Variants in PLCL1 observed in about 807,000 individuals in gnomAD.
PLCL1 encodes the protein inactive phospholipase C-like protein 1.
In PLCL1, 41 loss-of-function variants were observed where a neutral mutation model predicts 84.4. That is an observed-to-expected ratio of 0.49 (90% confidence interval 0.38 to 0.63). The LOEUF (loss-of-function observed/expected upper bound fraction) is 0.63, where lower values mean the gene tolerates loss of function less well. Ranked by LOEUF, PLCL1 falls within the 30% of genes least tolerant of loss-of-function variation. The pLI, the probability that PLCL1 is intolerant of heterozygous loss-of-function variation, is 0.00. For synonymous variants in PLCL1, 490 were observed against 488.3 expected (o/e 1.00, Z -0.05); for missense variants, 1,206 against 1,367.8 (o/e 0.88, Z 1.87).
intron 1 of PLCL1, among the ~76,000 whole-genome samples, chr2:197,956,824 T>G (rs764311541): frequency 6.6e-6 from 1 of 152,108 alleles, no homozygotes; most frequent in Non-Finnish European, 1.5e-5. Flanking sequence ...ATATTAGACC[T>G]TTGTCAGATG....
At chr2:198,112,244 C>A (rs765300352) in intron 5 of PLCL1, among the ~76,000 whole-genome samples, 1 of 151,804 alleles carries the variant, frequency 6.6e-6, no homozygotes, top group Non-Finnish European at 1.5e-5. Flanking sequence ...GGCCTGATCA[C>A]CCCTGAGCGA....
At chr2:198,021,841 T>C (rs915842239) in intron 1 of PLCL1, among the ~76,000 whole-genome samples, 2 of 152,150 alleles carry the variant, frequency 1.3e-5, no homozygotes, top group African/African-American at 4.8e-5. Flanking sequence ...TGTCATTCCT[T>C]CTGAAACTAT....
intron 1 of PLCL1, among the ~76,000 whole-genome samples, chr2:197,970,297 T>G (rs1689835495): frequency 6.6e-6 from 1 of 152,134 alleles, no homozygotes; most frequent in South Asian, 2.1e-4. Flanking sequence ...AACCTAGTCT[T>G]GCAATAACAA....
At chr2:197,921,816 T>G (rs990661206) in intron 1 of PLCL1, among the ~76,000 whole-genome samples, 1 of 152,206 alleles carries the variant, frequency 6.6e-6, no homozygotes, top group African/African-American at 2.4e-5. Flanking sequence ...TCATCAGAAT[T>G]TTTACAACTC....
chr2:197,911,076 C>T (rs1688475995), intron 1 of PLCL1, among the ~76,000 whole-genome samples: 1 of 152,166 alleles, frequency 6.6e-6, no homozygotes, highest in Admixed American at 6.5e-5. Flanking sequence ...CTGATTCAGT[C>T]ATCTTTTAAT....
At chr2:197,999,873 A>G (rs73058821) in intron 1 of PLCL1, among the ~76,000 whole-genome samples, 28,022 of 152,120 alleles carry the variant, frequency 0.18, 2,639 homozygotes, top group East Asian at 0.26. Flanking sequence ...TATCCACAGA[A>G]TGTGTGAGTT....
chr2:197,805,366 G>A lies in PLCL1; in HGVS notation c.240+27G>A. ...TAAGCAAAGCCGCGCCGCACCGGGA[G>A]CGTGGCTGTGGGTGATGGGTGGGTC... On this transcript the variant is annotated intron_variant, in intron 1 of 5. Transcript: ENST00000428675. This position sits in a 1 kb window ranked among gnomAD's most constrained non-coding sequence, Gnocchi z 4.0. The A allele has an allele frequency of 2.2e-6, 3 of 1,337,290 alleles. No individual in the cohort carries two copies. The highest frequency in any genetic ancestry group is 2.1e-4 in the Middle Eastern group (1 of 4,848). 82.8% of individuals were successfully genotyped at this position (1,337,290 alleles called of 1,614,324 possible). A position where few individuals can be genotyped will look rare whatever the true frequency, so the allele number is the denominator to read the frequency against.
rs541388896 is a variant in PLCL1 at position 197,861,234 on chromosome 2, T to C, written c.240+55895T>C. 5.9e-5 allele frequency among the ~76,000 whole-genome samples: 9 copies of C among 152,288 alleles called. No homozygotes were observed. In the East Asian group the frequency reaches 1.5e-3, roughly 26 times the overall value. Reference sequence around the variant, plus strand: ...AAGGAGAGAGGGGATAAAGTTTAAGTTGATCACCAATAGACAATATTTTAA... The same window carrying C: ...AAGGAGAGAGGGGATAAAGTTTAAGCTGATCACCAATAGACAATATTTTAA... On this transcript the variant is annotated intron_variant, in intron 1 of 5. Coordinates refer to ENST00000428675, the MANE Select transcript of PLCL1 (RefSeq NM_006226.4).
At chr2:198,013,081 A>G (rs375391818) in intron 1 of PLCL1, among the ~76,000 whole-genome samples, 1 of 152,092 alleles carries the variant, frequency 6.6e-6, no homozygotes, top group Admixed American at 6.6e-5. Context: ...TATTAAATAG[A>G]TTTTAAAAAT....
At chr2:197,947,463 C>G (rs1052584085) in intron 1 of PLCL1, among the ~76,000 whole-genome samples, 1 of 151,920 alleles carries the variant, frequency 6.6e-6, no homozygotes, top group Non-Finnish European at 1.5e-5. Context: ...ACCACTGGAG[C>G]TGGGCAGAGG....
intron 1 of PLCL1, among the ~76,000 whole-genome samples, chr2:197,923,562 C>A (rs1202364705): frequency 1.4e-5 from 2 of 147,088 alleles, no homozygotes; most frequent in African/African-American, 2.5e-5. Context: ...AGACGATGGG[C>A]GGCCGGGCAG....
chr2:198,084,953 C>A lies in PLCL1; in HGVS notation c.1436C>A (p.Ala479Asp). Residue 479 changes from alanine (A) to aspartate (D), a missense_variant, in exon 2 of 6, where the codon GCC becomes GAC. By Grantham distance (126) the Ala-to-Asp change is moderately radical. Transcript: ENST00000428675. ...GTCATAGAGGTAATAAATAAATTTGCCTTTGTTGCTTCTGAATACCCACTC... is the reference window on the plus strand; with the variant it reads ...GTCATAGAGGTAATAAATAAATTTGACTTTGTTGCTTCTGAATACCCACTC... Reference protein sequence around the residue: ...RSVIEVINKFAFVASEYPLIL... With the variant: ...RSVIEVINKFDFVASEYPLIL... 1 of 1,613,982 alleles carries A rather than the reference C, an allele frequency of 6.2e-7. No homozygotes were observed. The highest frequency in any genetic ancestry group is 8.5e-7 in the Non-Finnish European group (1 of 1,179,974).
chr2:197,899,280 G>GATAAGA (rs969681158), intron 1 of PLCL1, among the ~76,000 whole-genome samples: 1 of 151,686 alleles, frequency 6.6e-6, no homozygotes. Flanking sequence ...ACAGACTAAG[G>GATAAGA]ATAAGAATAA....
chr2:198,142,361 A>G (rs960250688), intron 5 of PLCL1, among the ~76,000 whole-genome samples: 3 of 152,166 alleles, frequency 2.0e-5, no homozygotes, highest in African/African-American at 7.2e-5. Context: ...ATTTCTTGTC[A>G]GTAGTAAATT....
chr2:197,841,807 T>C (rs1229139850), intron 1 of PLCL1, among the ~76,000 whole-genome samples: 1 of 152,232 alleles, frequency 6.6e-6, no homozygotes, highest in Admixed American at 6.5e-5. Flanking sequence ...TCTGATGTTC[T>C]GTAAATACTT....
rs890684809 is a variant in PLCL1 at position 197,805,435 on chromosome 2, C to T, written c.240+96C>T. ...TGCGGTGTCCGGAGGCATCCGGGCTCAGCATTGTTTTCTCCCACCTCCTTC... is the reference window on the plus strand; with the variant it reads ...TGCGGTGTCCGGAGGCATCCGGGCTTAGCATTGTTTTCTCCCACCTCCTTC... On this transcript the variant is annotated intron_variant, in intron 1 of 5. Coordinates refer to ENST00000428675, the MANE Select transcript of PLCL1 (RefSeq NM_006226.4). The surrounding 1 kb of genome is among the most constrained non-coding windows in gnomAD (Gnocchi z 4.0). 1 of 1,156,530 alleles carries T rather than the reference C, an allele frequency of 8.6e-7. No homozygotes were observed. Among genetic ancestry groups the T allele is most frequent in the South Asian group, 3.4e-5 (1 of 29,182 alleles). The allele number at this position is 1,156,530 out of a possible 1,614,324, so 71.6% of individuals were successfully genotyped here.
rs576410716 is a variant in PLCL1 at position 197,916,651 on chromosome 2, G to A, written c.240+111312G>A. 3.9e-5 allele frequency among the ~76,000 whole-genome samples: 6 copies of A among 151,900 alleles called. No homozygotes were observed. The South Asian group carries it at 1.3e-3, about 32-fold the overall frequency. ...GGACAGAGTCATGGTTAAGAGAGCA[G>A]GCTTTCAGAGAAGGCCAATTCAAAT... is the stretch of plus-strand genomic sequence containing the variant. On this transcript the variant is annotated intron_variant, in intron 1 of 5. Coordinates refer to ENST00000428675, the MANE Select transcript of PLCL1 (RefSeq NM_006226.4).
chr2:198,072,094 A>C (rs1278910253), intron 1 of PLCL1, among the ~76,000 whole-genome samples: 1 of 151,866 alleles, frequency 6.6e-6, no homozygotes, highest in African/African-American at 2.4e-5. Context: ...GAATTTTGCC[A>C]GTAGTATGTT....
intron 1 of PLCL1, chr2:198,071,014 C>T (rs1692450394): frequency 2.2e-6 from 2 of 918,792 alleles, no homozygotes; most frequent in Non-Finnish European, 2.6e-6. Flanking sequence ...ATATATTCTT[C>T]CAGACTTGTC....
Sources: gnomAD v4.1 joint callset for allele counts (sites outside exome capture counted in the v4.1 genomes callset) on GRCh38, gnomAD v4.1.1 for gene constraint, Gnocchi (gnomAD v3.1) non-coding constraint, MANE v1.5 for transcripts, NCBI Gene and HGNC (gene_info 2026-07-23, HGNC 2026-07-21) for gene names.